Variants in FAM222B observed in about 807,000 individuals in gnomAD.
The protein encoded by FAM222B is protein FAM222B.
FAM222B carries 12 observed loss-of-function variants against 38.0 expected under a neutral mutation model. The ratio of observed to expected loss-of-function variants is 0.32; its 90% CI spans 0.20 to 0.51. The LOEUF (loss-of-function observed/expected upper bound fraction) is 0.51. FAM222B is among the 20% of genes least tolerant of loss of function. The pLI, the probability that FAM222B is intolerant of heterozygous loss-of-function variation, is 0.97. For synonymous variants in FAM222B, 329 were observed against 317.2 expected, an observed-to-expected ratio of 1.04 and a Z score of -0.40; for missense variants, 716 against 754.2, an observed-to-expected ratio of 0.95 and a Z score of 0.59.
At chr17:28,821,877 G>A (rs898843155) in intron 1 of FAM222B, among the ~76,000 whole-genome samples, 7 of 151,924 alleles carry the variant, frequency 4.6e-5, no homozygotes, top group African/African-American at 1.4e-4. Flanking sequence ...CAGGAGAATC[G>A]CTTCAACCTG....
chr17:28,805,774 C>A (rs1006983678), intron 1 of FAM222B, among the ~76,000 whole-genome samples: 1 of 152,032 alleles, frequency 6.6e-6, no homozygotes, highest in Non-Finnish European at 1.5e-5. Flanking sequence ...AAGAAAAAAA[C>A]AAATTTTTCA....
chr17:28,773,586 G>A (rs1337204859), intron 1 of FAM222B, among the ~76,000 whole-genome samples: 2 of 151,104 alleles, frequency 1.3e-5, no homozygotes, highest in African/African-American at 2.4e-5. Context: ...ATCACATTAG[G>A]TCAGGAGTTT....
At position 28,756,345 on chromosome 17, in the gene FAM222B, G is replaced by A. The variant is rs1287808229; in HGVS notation, c.*1925C>T. 2 of 152,638 alleles carry A rather than the reference G, an allele frequency of 1.3e-5. No homozygotes were observed. The highest frequency in any genetic ancestry group is 4.1e-4 in the South Asian group (2 of 4,836). 9.5% of individuals were successfully genotyped at this position (152,638 alleles called of 1,614,324 possible). The stretch of plus-strand genomic sequence containing the variant: ...TTCAGAGGCTTGCACCCCTACACAG[G>A]AAGAGATGGGTTTGAGGTTGTTTGA... On this transcript the variant is annotated 3_prime_UTR_variant, in exon 3 of 3. Transcript: ENST00000581407.
At chr17:28,854,860 CCCCTTT>C (rs1159213258) in intron 1 of FAM222B, 2 of 630,212 alleles carry the variant, frequency 3.2e-6, no homozygotes, top group Non-Finnish European at 5.3e-6. Flanking sequence ...TACACATTTT[CCCCTTT>C]CCTTAGCCTC....
At chr17:28,792,181 A>G (rs1341670392) in intron 1 of FAM222B, among the ~76,000 whole-genome samples, 1 of 151,500 alleles carries the variant, frequency 6.6e-6, no homozygotes, top group Non-Finnish European at 1.5e-5. Context: ...GCGTGATGGC[A>G]GGCGCCTGTA....
Position 28,758,304 on chromosome 17 carries a change from C to G in FAM222B, c.1655G>C (p.Arg552Pro), listed in dbSNP as rs771651778. 1.7e-5 allele frequency: 27 copies of G among 1,601,492 alleles called. No homozygotes were observed. Among genetic ancestry groups the G allele is most frequent in the Non-Finnish European group, 2.3e-5 (27 of 1,174,316 alleles). Residue 552 changes from arginine to proline, a missense_variant, in exon 3 of 3, where the codon CGA becomes CCA. Physicochemically the swap from Arg to Pro is moderately radical, Grantham distance 103. Coordinates refer to ENST00000581407, the MANE Select transcript of FAM222B (RefSeq NM_001077498.3). ...GNRAPDPTES[R>P]SLHIQHPGYR The stretch of plus-strand genomic sequence containing the variant: ...CCCTGGGTGCTGAATATGAAGACTT[C>G]GACTCTCTGTGGGATCGGGGGCTCG...
At chr17:28,807,149 G>A (rs1158264154) in intron 1 of FAM222B, among the ~76,000 whole-genome samples, 1 of 151,600 alleles carries the variant, frequency 6.6e-6, no homozygotes, top group African/African-American at 2.4e-5. Flanking sequence ...CCAAGTAGCT[G>A]GGATTATAGG....
At chr17:28,828,904 C>CTT (rs879920718) in intron 1 of FAM222B, among the ~76,000 whole-genome samples, 2 of 144,484 alleles carry the variant, frequency 1.4e-5, no homozygotes, top group African/African-American at 2.5e-5. Flanking sequence ...CAACTCTCTA[C>CTT]TTTTTTTTTT....
chr17:28,798,080 C>T (rs919977925), intron 1 of FAM222B, among the ~76,000 whole-genome samples: 6 of 151,586 alleles, frequency 4.0e-5, no homozygotes, highest in African/African-American at 7.3e-5. Flanking sequence ...GAGTAATAAA[C>T]GCTACGAAAA....
intron 1 of FAM222B, among the ~76,000 whole-genome samples, chr17:28,807,543 G>A (rs2037550659): frequency 6.6e-6 from 1 of 151,786 alleles, no homozygotes; most frequent in African/African-American, 2.4e-5. Flanking sequence ...GTGCCACCAT[G>A]CCCAGCTAAT....
chr17:28,761,911 C>T (rs1033874433), intron 2 of FAM222B: 1 of 152,166 alleles, frequency 6.6e-6, no homozygotes, highest in Admixed American at 6.5e-5. Flanking sequence ...ACTCCTAGCA[C>T]AGTGCTTTAA....
intron 1 of FAM222B, among the ~76,000 whole-genome samples, chr17:28,785,205 G>GACATGTGATCA (rs1468143043): frequency 6.6e-6 from 1 of 152,128 alleles, no homozygotes; most frequent in Non-Finnish European, 1.5e-5. Flanking sequence ...CTCTGTCTTA[G>GACATGTGATCA]TTCCTAGACA....
chr17:28,844,307 G>GT (rs1450577558), upstream of FAM222B, among the ~76,000 whole-genome samples: 2 of 152,042 alleles, frequency 1.3e-5, no homozygotes, highest in Non-Finnish European at 2.9e-5. Context: ...AAGATACAAC[G>GT]TAAGGGGGAA....
intron 1 of FAM222B, among the ~76,000 whole-genome samples, chr17:28,804,366 C>T (rs986536177): frequency 2.6e-5 from 4 of 151,750 alleles, no homozygotes; most frequent in South Asian, 2.1e-4. Flanking sequence ...GGCACAGTCT[C>T]GCCCTGTCGC....
At chr17:28,793,794 G>T (rs867792024) in intron 1 of FAM222B, among the ~76,000 whole-genome samples, 2 of 146,852 alleles carry the variant, frequency 1.4e-5, no homozygotes, top group African/African-American at 5.1e-5. Flanking sequence ...TGCCCAGGCT[G>T]GAGTGCAATG....
chr17:28,843,875 G>A (rs1470686523), upstream of FAM222B, among the ~76,000 whole-genome samples: 4 of 152,164 alleles, frequency 2.6e-5, no homozygotes, highest in African/African-American at 9.7e-5. Context: ...ACCTTGTCAA[G>A]GAGGTGACCT....
At chr17:28,768,859 A>G (rs181274511) in intron 1 of FAM222B, among the ~76,000 whole-genome samples, 16 of 150,540 alleles carry the variant, frequency 1.1e-4, no homozygotes, top group South Asian at 2.1e-4. Flanking sequence ...AAAAAAAAAA[A>G]AGAGAGACTT....
chr17:28,813,179 TC>T (rs1421981331), intron 1 of FAM222B, among the ~76,000 whole-genome samples: 1 of 145,948 alleles, frequency 6.9e-6, no homozygotes. Flanking sequence ...CATAGTTGGC[TC>T]CAACCTGTTT....
At chr17:28,802,100 T>C (rs1357787216) in intron 1 of FAM222B, among the ~76,000 whole-genome samples, 3 of 140,732 alleles carry the variant, frequency 2.1e-5, no homozygotes, top group Non-Finnish European at 4.7e-5. Flanking sequence ...CCCCAGCTTT[T>C]TTTTCTGAGA....
Sources: gnomAD v4.1 joint callset for allele counts (sites outside exome capture counted in the v4.1 genomes callset) on GRCh38, gnomAD v4.1.1 for gene constraint, MANE v1.5 for transcripts, NCBI Gene and HGNC (gene_info 2026-07-23, HGNC 2026-07-21) for gene names.